SERINC2: variants seen among roughly 807,000 people sequenced by gnomAD.
The protein encoded by SERINC2 is serine incorporator 2, also known as tumor differentially expressed protein 2.
SERINC2 carries 56 observed loss-of-function variants against 54.2 expected under a neutral mutation model. That is an observed-to-expected ratio of 1.03 (90% CI 0.83 to 1.29). The LOEUF (loss-of-function observed/expected upper bound fraction) is 1.29, where lower values mean the gene tolerates loss of function less well. Among genes scored for constraint, SERINC2 ranks in the 50% most tolerant of loss-of-function variants. SERINC2 has a pLI of 0.00. For missense variants in SERINC2, 614 were observed against 607.4 expected (o/e 1.01, Z -0.12); for synonymous variants, 272 against 253.1 (o/e 1.07, Z -0.71).
intron 1 of SERINC2, among the ~76,000 whole-genome samples, chr1:31,421,428 G>A (rs1418874026): frequency 6.6e-6 from 1 of 152,178 alleles, no homozygotes. Flanking sequence ...CAGGTCTTGG[G>A]GTGGCAGCTG....
chr1:31,434,481 A>C lies in SERINC2; in HGVS notation c.*282A>C. 4.4e-6 allele frequency: 2 copies of C among 452,856 alleles called. No homozygotes were observed. The highest frequency in any genetic ancestry group is 3.8e-5 in the East Asian group (1 of 26,576). The allele number at this position is 452,856 out of a possible 1,614,324, so 28.1% of individuals were successfully genotyped here. On this transcript the variant is annotated 3_prime_UTR_variant, in exon 10 of 10. Transcript: ENST00000373709. ...TGCCCATACTCAGCATCTCGGATGAAAGGGCTCCCTTGTCCTCAGGCTCCA... is the reference window on the plus strand; with the variant it reads ...TGCCCATACTCAGCATCTCGGATGACAGGGCTCCCTTGTCCTCAGGCTCCA...
chr1:31,417,983 C>T (rs1037988510), intron 1 of SERINC2, among the ~76,000 whole-genome samples: 3 of 151,324 alleles, frequency 2.0e-5, no homozygotes, highest in East Asian at 2.0e-4. Context: ...CAGCCTCCCG[C>T]GTAGCTGGGA....
At chr1:31,419,541 C>G (rs554303166) in intron 1 of SERINC2, among the ~76,000 whole-genome samples, 29 of 152,112 alleles carry the variant, frequency 1.9e-4, no homozygotes, top group Non-Finnish European at 3.5e-4. Context: ...CAATTTTCCC[C>G]TAATGGCCAG....
At position 31,425,894 on chromosome 1, in the gene SERINC2, T is replaced by A; in HGVS notation, c.591T>A (p.Asp197Glu). ...QRWLGKAEEC[D>E]SRAWYAGLFF... ...GGCTGGGCAAGGCCGAGGAGTGCGA[T>A]TCCCGTGCCTGGTACGCAGGTCAGT... Residue 197 changes from aspartate (D) to glutamate (E), a missense_variant, in exon 5 of 10, where the codon GAT becomes GAA. Transcript: ENST00000373709. The A allele has an allele frequency of 6.2e-7, 1 of 1,612,374 alleles. No individual in the cohort carries two copies. Among genetic ancestry groups the A allele is most frequent in the Non-Finnish European group, 8.5e-7 (1 of 1,179,792 alleles).
At chr1:31,418,101 C>A (rs1226423935) in intron 1 of SERINC2, among the ~76,000 whole-genome samples, 1 of 152,100 alleles carries the variant, frequency 6.6e-6, no homozygotes, top group East Asian at 1.9e-4. Context: ...TCAGGTGATC[C>A]GCCCGCCTTG....
chr1:31,424,369 AG>A (rs1316361604), intron 2 of SERINC2, among the ~76,000 whole-genome samples: 1 of 152,194 alleles, frequency 6.6e-6, no homozygotes, highest in Non-Finnish European at 1.5e-5. Context: ...GTTCTGATGT[AG>A]GTGGTGGGTG....
intron 1 of SERINC2, among the ~76,000 whole-genome samples, chr1:31,418,293 A>G (rs919466135): frequency 6.6e-6 from 1 of 152,246 alleles, no homozygotes; most frequent in Non-Finnish European, 1.5e-5. Context: ...TAATTCTGCT[A>G]TGAACATGGG....
intron 7 of SERINC2, 68 bp from the exon 8 acceptor site, chr1:31,429,328 TC>T (rs1641130658): frequency 6.5e-7 from 1 of 1,534,640 alleles, no homozygotes; most frequent in African/African-American, 1.4e-5. Flanking sequence ...TCTCTAGCCA[TC>T]CTCAGGGCCA....
rs782457965 is a variant in SERINC2, at chr1:31,423,751, G to A, written c.98G>A (p.Arg33His). The change falls in exon 2 of 10, where the codon CGC (arginine) becomes CAC (histidine). Residue 33 changes from arginine to histidine, a missense_variant. Transcript: ENST00000373709. The part of the protein sequence containing the change: ...CILCSCCPAS[R>H]NSTVSRLIFT... ...CTGTGCAGCTGCTGCCCCGCCAGCCGCAACTCCACCGTGAGCCGCCTCATC... is the reference window on the plus strand; with the variant it reads ...CTGTGCAGCTGCTGCCCCGCCAGCCACAACTCCACCGTGAGCCGCCTCATC... The A allele has an allele frequency of 1.8e-5, 29 of 1,613,396 alleles. No individual in the cohort carries two copies. Among genetic ancestry groups the A allele is most frequent in the South Asian group, 1.8e-4 (16 of 91,086 alleles).
rs183384530 is a variant in SERINC2 at position 31,434,507 on chromosome 1, C to T, written c.*308C>T. ...AGGGCTCCCTTGTCCTCAGGCTCCACGGGAGCGGGGCTGCTGGAGAGAGCG... is the reference window on the plus strand; with the variant it reads ...AGGGCTCCCTTGTCCTCAGGCTCCATGGGAGCGGGGCTGCTGGAGAGAGCG... On this transcript the variant is annotated 3_prime_UTR_variant, in exon 10 of 10. Transcript: ENST00000373709. 354 of 381,506 alleles carry T rather than the reference C, an allele frequency of 9.3e-4. 1 individual carries two copies. Among genetic ancestry groups the T allele is most frequent in the African/African-American group, 6.0e-3 (296 of 49,368 alleles). The allele number at this position is 381,506 out of a possible 1,614,324, so 23.6% of individuals were successfully genotyped here.
intron 8 of SERINC2, 69 bp from the exon 9 acceptor site, chr1:31,432,898 C>T (rs1557502841): frequency 1.6e-6 from 2 of 1,278,762 alleles, no homozygotes; most frequent in South Asian, 1.3e-5. Flanking sequence ...GGCTCTGGGA[C>T]CATTTGTGTC....
In SERINC2 at chr1:31,413,233, G is replaced by C. The variant is rs1249518880; in HGVS notation, c.-33G>C. On this transcript the variant is annotated 5_prime_UTR_variant, in exon 1 of 10. Coordinates refer to ENST00000373709, the MANE Select transcript of SERINC2 (RefSeq NM_178865.5). This position sits in a 1 kb window ranked among gnomAD's most constrained non-coding sequence, Gnocchi z 5.0. ...ATCCCGAGGTCCGCGCCCCGCGCCCGGCGCCGGGCGCCCGAAGCCGGGAGC... is the reference window on the plus strand; with the variant it reads ...ATCCCGAGGTCCGCGCCCCGCGCCCCGCGCCGGGCGCCCGAAGCCGGGAGC... The C allele has an allele frequency of 9.9e-6, 11 of 1,115,830 alleles. No homozygotes were observed. In the South Asian group the frequency reaches 1.2e-4, roughly 12 times the overall value. The allele number at this position is 1,115,830 out of a possible 1,614,324, so 69.1% of individuals were successfully genotyped here.
At position 31,426,736 on chromosome 1, in the gene SERINC2, C is replaced by A. The variant is rs1553133702; in HGVS notation, c.693C>A (p.Ser231Arg). 6.2e-7 allele frequency: 1 copy of A among 1,613,920 alleles called. No individual in the cohort carries two copies. Among genetic ancestry groups the A allele is most frequent in the African/African-American group, 1.3e-5 (1 of 74,914 alleles). ...ALMFMYYTEP[S>R]GCHEGKVFIS... ...TGTTCATGTACTACACTGAGCCCAG[C>A]GGCTGCCACGAGGGCAAGGTCTTCA... is the stretch of plus-strand genomic sequence containing the variant. Residue 231 changes from serine to arginine, a missense_variant, in exon 6 of 10, where the codon AGC becomes AGA. Coordinates refer to ENST00000373709, the MANE Select transcript of SERINC2 (RefSeq NM_178865.5).
chr1:31,428,472 AAG>A (rs1641101763), intron 6 of SERINC2, among the ~76,000 whole-genome samples: 2 of 152,172 alleles, frequency 1.3e-5, no homozygotes, highest in South Asian at 4.1e-4. Context: ...TGGAACATGA[AAG>A]AGGGTGTGGG....
At chr1:31,427,413 G>A (rs1641075390) in intron 6 of SERINC2, among the ~76,000 whole-genome samples, 3 of 152,306 alleles carry the variant, frequency 2.0e-5, no homozygotes, top group East Asian at 3.9e-4. Context: ...AGGGGGCTTA[G>A]GTAGTCTTCA....
At chr1:31,419,292 A>T (rs1489638749) in intron 1 of SERINC2, among the ~76,000 whole-genome samples, 2 of 152,204 alleles carry the variant, frequency 1.3e-5, no homozygotes, top group African/African-American at 4.8e-5. Context: ...GGTGTTAGAC[A>T]TTTAGGTTTT....
intron 8 of SERINC2, among the ~76,000 whole-genome samples, chr1:31,432,187 G>GTGGATAGGA (rs1557501725): frequency 1.5e-5 from 2 of 136,138 alleles, no homozygotes; most frequent in East Asian, 5.6e-4. Context: ...GGTGGATAGG[G>GTGGATAGGA]TGGTTAGAGT....
At chr1:31,424,534 G>T in intron 2 of SERINC2, 149 bp from the exon 3 acceptor site, 1 of 654,110 alleles carries the variant, frequency 1.5e-6, no homozygotes. Context: ...AGATAGAGGT[G>T]AGGGGCTCCC....
At chr1:31,427,571 C>G (rs1553133813) in intron 6 of SERINC2, among the ~76,000 whole-genome samples, 3 of 152,266 alleles carry the variant, frequency 2.0e-5, no homozygotes, top group East Asian at 3.9e-4. Context: ...TTGAGCACTT[C>G]CTGTGTACCA....
Sources: allele counts gnomAD v4.1 joint callset (sites outside exome capture counted in the v4.1 genomes callset), GRCh38; gene constraint gnomAD v4.1.1; non-coding constraint Gnocchi (gnomAD v3.1); transcripts MANE v1.5; gene names NCBI Gene and HGNC (gene_info 2026-07-23, HGNC 2026-07-21).